Variants in WSCD2 observed in about 807,000 individuals in gnomAD.
The protein encoded by WSCD2 is sialate:O-sulfotransferase 2.
A neutral mutation model predicts 55.7 loss-of-function variants in WSCD2; 28 were observed. That is an observed-to-expected ratio of 0.50 (90% CI 0.37 to 0.69). WSCD2 has a LOEUF of 0.69. WSCD2 is among the 30% of genes least tolerant of loss of function. The probability of loss-of-function intolerance (pLI) is 0.00; values close to 1 mark genes in which losing one functional copy is unlikely to be tolerated. For synonymous variants in WSCD2, 301 were observed against 301.9 expected, an observed-to-expected ratio of 1.00 and a Z score of 0.03; for missense variants, 616 against 762.1, an observed-to-expected ratio of 0.81 and a Z score of 2.26.
chr12:108,204,476 T>G (rs1885082977), intron 2 of WSCD2, among the ~76,000 whole-genome samples: 1 of 152,166 alleles, frequency 6.6e-6, no homozygotes, highest in Non-Finnish European at 1.5e-5. Flanking sequence ...GAACTGAAGT[T>G]AGTGTGCAGC....
intron 1 of WSCD2, among the ~76,000 whole-genome samples, chr12:108,157,859 G>A (rs756464328): frequency 6.6e-6 from 1 of 152,200 alleles, no homozygotes; most frequent in Non-Finnish European, 1.5e-5. Context: ...TCTTGGGGCT[G>A]AGGGTCACAA....
intron 1 of WSCD2, among the ~76,000 whole-genome samples, chr12:108,137,379 G>A (rs1167202019): frequency 6.6e-6 from 1 of 152,144 alleles, no homozygotes; most frequent in Non-Finnish European, 1.5e-5. Flanking sequence ...CTCACTCAGG[G>A]CCTGTTTACT....
chr12:108,205,076 G>A (rs1885162699), intron 2 of WSCD2, among the ~76,000 whole-genome samples: 1 of 152,172 alleles, frequency 6.6e-6, no homozygotes, highest in Non-Finnish European at 1.5e-5. Context: ...ATGGGTCTTA[G>A]GGAGGCCACT....
intron 1 of WSCD2, among the ~76,000 whole-genome samples, chr12:108,189,000 A>G (rs1882853405): frequency 6.6e-6 from 1 of 152,182 alleles, no homozygotes; most frequent in South Asian, 2.1e-4. Context: ...CTTTCCGGGG[A>G]TCTGTATAAA....
chr12:108,170,955 C>T (rs539878989), intron 1 of WSCD2, among the ~76,000 whole-genome samples: 14 of 152,100 alleles, frequency 9.2e-5, no homozygotes, highest in Non-Finnish European at 2.1e-4. Context: ...GCTCAAAGGT[C>T]CACATGAGAC....
intron 1 of WSCD2, among the ~76,000 whole-genome samples, chr12:108,156,538 C>A (rs151208862): frequency 6.6e-6 from 1 of 152,062 alleles, no homozygotes; most frequent in Non-Finnish European, 1.5e-5. Context: ...TGAAATCCTA[C>A]GTTGTCTATA....
rs1031029502 is a variant in WSCD2, at chr12:108,248,984, C to T, written c.*641C>T. ...ATGTGGGGCCATTGGTGTTATGAGC[C>T]CCCCAGGCCACACTGCTTCTCAGAA... On this transcript the variant is annotated 3_prime_UTR_variant, in exon 9 of 9. Coordinates refer to ENST00000547525, the MANE Select transcript of WSCD2 (RefSeq NM_014653.4). The surrounding 1 kb of genome is among the most constrained non-coding windows in gnomAD (Gnocchi z 4.3). The T allele has an allele frequency of 4.4e-6, 4 of 908,522 alleles. No homozygotes were observed. The African/African-American group carries it at 5.4e-5, about 12-fold the overall frequency. The allele number at this position is 908,522 out of a possible 1,614,324, so 56.3% of individuals were successfully genotyped here.
At chr12:108,172,817 TA>T (rs150395000) in intron 1 of WSCD2, among the ~76,000 whole-genome samples, 1,713 of 152,330 alleles carry the variant, frequency 0.011, 23 homozygotes, top group Non-Finnish European at 0.019. Context: ...CAGTTTGCAG[TA>T]ATTTGTTACA....
Position 108,203,636 on chromosome 12 carries a change from C to T in WSCD2, c.383-2653C>T, listed in dbSNP as rs114682550. Among the ~76,000 whole-genome samples the T allele has an allele frequency of 5.8e-3, 882 of 152,326 alleles. 5 individuals are homozygous for T. The highest frequency in any genetic ancestry group is 0.02 in the African/African-American group (848 of 41,560). ...TCCACTACAGTCCACCCCTTCACTCCATGATGGACACGCAATGGACATGCC... is the reference window on the plus strand; with the variant it reads ...TCCACTACAGTCCACCCCTTCACTCTATGATGGACACGCAATGGACATGCC... On this transcript the variant is annotated intron_variant, in intron 2 of 8. Transcript: ENST00000547525.
chr12:108,229,316 C>T (rs1301513130), intron 6 of WSCD2, among the ~76,000 whole-genome samples: 1 of 152,202 alleles, frequency 6.6e-6, no homozygotes, highest in Non-Finnish European at 1.5e-5. Flanking sequence ...TCTAATCATC[C>T]AAACAGTCCA....
At chr12:108,226,054 G>A (rs1888052623) in intron 5 of WSCD2, among the ~76,000 whole-genome samples, 1 of 152,004 alleles carries the variant, frequency 6.6e-6, no homozygotes, top group African/African-American at 2.4e-5. Flanking sequence ...TTGGTGTGAT[G>A]GTGATATGGG....
At chr12:108,207,973 C>T (rs899377522) in intron 3 of WSCD2, among the ~76,000 whole-genome samples, 2 of 152,112 alleles carry the variant, frequency 1.3e-5, no homozygotes, top group African/African-American at 4.8e-5. Context: ...ATGGAAGAAT[C>T]GCAGGCAGTT....
chr12:108,217,590 G>A (rs140761572), intron 4 of WSCD2, among the ~76,000 whole-genome samples: 2 of 152,252 alleles, frequency 1.3e-5, no homozygotes, highest in African/African-American at 4.8e-5. Flanking sequence ...TGGCTTGGAA[G>A]GCTCTCCAAC....
At chr12:108,156,682 T>C (rs1878544908) in intron 1 of WSCD2, among the ~76,000 whole-genome samples, 1 of 152,144 alleles carries the variant, frequency 6.6e-6, no homozygotes, top group Non-Finnish European at 1.5e-5. Context: ...AAATATCAAC[T>C]TTCTTAAATC....
intron 1 of WSCD2, among the ~76,000 whole-genome samples, chr12:108,166,787 TTC>T (rs1180713499): frequency 9.6e-5 from 14 of 146,140 alleles, no homozygotes; most frequent in African/African-American, 3.4e-4. Flanking sequence ...CTTTCTTTCT[TTC>T]TGTCTTTCTT....
At chr12:108,136,187 G>A (rs1488301031) in intron 1 of WSCD2, among the ~76,000 whole-genome samples, 2 of 152,176 alleles carry the variant, frequency 1.3e-5, no homozygotes, top group African/African-American at 2.4e-5. Context: ...ATGGAGAGAT[G>A]GAGACCCAGA....
rs758161612 is a variant in WSCD2, at chr12:108,240,370, C to G, written c.1171C>G (p.Arg391Gly). The change falls in exon 8 of 9, where the codon CGC (arginine) becomes GGC (glycine). Residue 391 changes from arginine to glycine, a missense_variant. This residue lies in a region of WSCD2 where 234 missense variants were observed against 264.6 expected (regional missense o/e 0.88). Transcript: ENST00000547525. The stretch of plus-strand genomic sequence containing the variant: ...GTTTAAAGGTGAGCGGGACCACTGG[C>G]GCAGCGGACGGACCATCTGCATCAA... Reference protein sequence around the residue: ...KGFKGERDHWRSGRTICIKTH... With the variant: ...KGFKGERDHWGSGRTICIKTH... The G allele has an allele frequency of 1.9e-6, 3 of 1,614,088 alleles. No individual in the cohort carries two copies. In the East Asian group the frequency reaches 6.7e-5, roughly 36 times the overall value.
At chr12:108,232,169 T>A (rs1385846360) in intron 6 of WSCD2, among the ~76,000 whole-genome samples, 2 of 152,154 alleles carry the variant, frequency 1.3e-5, no homozygotes, top group Admixed American at 6.5e-5. Context: ...GAGGCCAAGA[T>A]AAGAACCCTG....
intron 1 of WSCD2, among the ~76,000 whole-genome samples, chr12:108,155,072 C>G (rs1878385244): frequency 6.6e-6 from 1 of 152,202 alleles, no homozygotes; most frequent in Admixed American, 6.5e-5. Flanking sequence ...GGTTCTGGAT[C>G]TGCTGTGACC....
Sources: gnomAD v4.1 joint callset for allele counts (sites outside exome capture counted in the v4.1 genomes callset) on GRCh38, gnomAD v4.1.1 for gene constraint, gnomAD v4.1.1 regional missense constraint, Gnocchi (gnomAD v3.1) non-coding constraint, MANE v1.5 for transcripts, NCBI Gene and HGNC (gene_info 2026-07-23, HGNC 2026-07-21) for gene names.